The following CYSTM1 variants were observed in gnomAD, a reference collection of about 807,000 sequenced individuals.
CYSTM1 encodes cysteine-rich transmembrane module-containing protein 1.
Under a neutral mutation model 13.1 loss-of-function variants are expected in CYSTM1, and 4 were observed. The ratio of observed to expected loss-of-function variants is 0.31; its 90% CI spans 0.15 to 0.70. The LOEUF (loss-of-function observed/expected upper bound fraction) is 0.70. Ranked by LOEUF, CYSTM1 falls within the 30% of genes least tolerant of loss-of-function variation. The pLI is 0.72. For synonymous variants in CYSTM1, 36 were observed against 42.7 expected (o/e 0.84, Z 0.62); for missense variants, 96 against 121.6 (o/e 0.79, Z 0.99).
intron 1 of CYSTM1, among the ~76,000 whole-genome samples, chr5:140,177,173 CAACAGGAAA>C (rs1389071630): frequency 6.6e-6 from 1 of 151,850 alleles, no homozygotes; most frequent in Non-Finnish European, 1.5e-5. Context: ...ATTTCCTGAG[CAACAGGAAA>C]AATATATTTT....
At chr5:140,198,182 AC>A (rs1764178269) in intron 2 of CYSTM1, among the ~76,000 whole-genome samples, 1 of 152,116 alleles carries the variant, frequency 6.6e-6, no homozygotes, top group African/African-American at 2.4e-5. Context: ...CTTCACAACA[AC>A]CCCATAGTAT....
chr5:140,199,677 T>G (rs1391423775), intron 2 of CYSTM1, among the ~76,000 whole-genome samples: 2 of 152,170 alleles, frequency 1.3e-5, no homozygotes, highest in Non-Finnish European at 2.9e-5. Context: ...TTAGTAGAGA[T>G]GAGGTTTCAC....
At chr5:140,188,648 G>A (rs943379713) in intron 1 of CYSTM1, among the ~76,000 whole-genome samples, 1 of 151,906 alleles carries the variant, frequency 6.6e-6, no homozygotes, top group Non-Finnish European at 1.5e-5. Context: ...GCGCAGTGGC[G>A]GGCGCCTGTA....
chr5:140,179,888 C>A (rs1170433637), intron 1 of CYSTM1, among the ~76,000 whole-genome samples: 1 of 152,080 alleles, frequency 6.6e-6, no homozygotes, highest in Non-Finnish European at 1.5e-5. Flanking sequence ...GTCTCGAACT[C>A]CTGACCTCAG....
At chr5:140,220,692 A>G (rs1384622473) in intron 2 of CYSTM1, among the ~76,000 whole-genome samples, 1 of 152,116 alleles carries the variant, frequency 6.6e-6, no homozygotes, top group African/African-American at 2.4e-5. Flanking sequence ...GCTAAGTGTC[A>G]GCAACAGCAG....
chr5:140,192,414 C>T (rs1764104779), intron 1 of CYSTM1, among the ~76,000 whole-genome samples: 1 of 152,150 alleles, frequency 6.6e-6, no homozygotes, highest in Non-Finnish European at 1.5e-5. Context: ...CTTACCTTAC[C>T]ATTGGTTTCC....
intron 2 of CYSTM1, among the ~76,000 whole-genome samples, chr5:140,221,437 C>T (rs1170611158): frequency 6.6e-6 from 1 of 152,228 alleles, no homozygotes; most frequent in Admixed American, 6.5e-5. Context: ...AATTTGACTA[C>T]ACTGAGTACC....
At position 140,194,518 on chromosome 5, in the gene CYSTM1, A is replaced by G; in HGVS notation, c.53A>G (p.Tyr18Cys). The change falls in exon 2 of 3, where the codon TAC becomes TGC. Residue 18 changes from tyrosine (Y) to cysteine (C), a missense_variant. Tyr to Cys is a radical substitution (Grantham distance 194, BLOSUM62 -2). Transcript: ENST00000261811. The part of the protein sequence containing the change: ...PYPGPGPTAP[Y>C]PPYPPQPMGP... ...CCAGGCCCTGGTCCAACGGCCCCAT[A>G]CCCACCTTATCCACCACAACCAATG... is the stretch of plus-strand genomic sequence containing the variant. 1 of 1,613,024 alleles carries G rather than the reference A, an allele frequency of 6.2e-7. No homozygotes were observed. The highest frequency in any genetic ancestry group is 8.5e-7 in the Non-Finnish European group (1 of 1,179,664).
rs1030122962 is a variant in CYSTM1 at position 140,204,940 on chromosome 5, A to T, written c.187+10288A>T. Reference sequence around the variant, plus strand: ...GCTATTTTAACTCCCATAAGTCCAGATATTGGGGTTTTATTTATGTTCTTC... The same window carrying T: ...GCTATTTTAACTCCCATAAGTCCAGTTATTGGGGTTTTATTTATGTTCTTC... On this transcript the variant is annotated intron_variant, in intron 2 of 2. Transcript: ENST00000261811. Among the ~76,000 whole-genome samples the T allele has an allele frequency of 5.3e-5, 8 of 152,036 alleles. 1 individual carries two copies. Among genetic ancestry groups the T allele is most frequent in the Admixed American group, 5.2e-4 (8 of 15,278 alleles).
chr5:140,236,576 G>T (rs1420981833), intron 2 of CYSTM1, among the ~76,000 whole-genome samples: 1 of 152,158 alleles, frequency 6.6e-6, no homozygotes, highest in Non-Finnish European at 1.5e-5. Context: ...TTGTATTTTT[G>T]ACCTGTCTTA....
At chr5:140,191,143 C>T (rs748296327) in intron 1 of CYSTM1, among the ~76,000 whole-genome samples, 26 of 152,216 alleles carry the variant, frequency 1.7e-4, no homozygotes, top group Non-Finnish European at 3.4e-4. Flanking sequence ...TCATCCTGCA[C>T]ACGTGCTCTT....
intron 2 of CYSTM1, among the ~76,000 whole-genome samples, chr5:140,206,166 A>C (rs1490773618): frequency 2.0e-5 from 3 of 151,988 alleles, no homozygotes; most frequent in African/African-American, 7.3e-5. Flanking sequence ...CACAGCTTAC[A>C]GTCTCACTTT....
chr5:140,220,744 T>C (rs1418692019), intron 2 of CYSTM1, among the ~76,000 whole-genome samples: 4 of 151,936 alleles, frequency 2.6e-5, no homozygotes, highest in Non-Finnish European at 4.4e-5. Flanking sequence ...TGAGATATAG[T>C]TGGAGCAGTC....
chr5:140,182,553 T>C (rs1192783114), intron 1 of CYSTM1, among the ~76,000 whole-genome samples: 1 of 152,032 alleles, frequency 6.6e-6, no homozygotes, highest in Non-Finnish European at 1.5e-5. Context: ...ACATTGTTCT[T>C]TCTGTGCCAG....
intron 1 of CYSTM1, among the ~76,000 whole-genome samples, chr5:140,185,687 T>C (rs1764008237): frequency 6.6e-6 from 1 of 152,230 alleles, no homozygotes; most frequent in Non-Finnish European, 1.5e-5. Context: ...ACTGCTACCA[T>C]CTTTAAAAAT....
intron 2 of CYSTM1, 85 bp from the exon 3 acceptor site, chr5:140,243,220 C>G (rs781373906): frequency 3.7e-6 from 4 of 1,073,934 alleles, no homozygotes; most frequent in Non-Finnish European, 5.7e-6. Context: ...CTGGTGTAGC[C>G]TTCCTGTGGT....
At chr5:140,227,177 G>A (rs1309673090) in intron 2 of CYSTM1, among the ~76,000 whole-genome samples, 1 of 152,202 alleles carries the variant, frequency 6.6e-6, no homozygotes, top group Non-Finnish European at 1.5e-5. Flanking sequence ...CCTGGCTCAG[G>A]TGGGCTCCTG....
At chr5:140,208,872 T>C (rs1487172738) in intron 2 of CYSTM1, among the ~76,000 whole-genome samples, 2 of 152,030 alleles carry the variant, frequency 1.3e-5, no homozygotes, top group Non-Finnish European at 2.9e-5. Flanking sequence ...ACCCTGTCTC[T>C]ACTAAAAATA....
At chr5:140,193,997 G>T (rs1285192566) in intron 1 of CYSTM1, among the ~76,000 whole-genome samples, 1 of 152,192 alleles carries the variant, frequency 6.6e-6, no homozygotes, top group East Asian at 1.9e-4. Flanking sequence ...TTGATTGGAG[G>T]GTTTCTAGTA....
Sources: gnomAD v4.1 joint callset for allele counts (sites outside exome capture counted in the v4.1 genomes callset) on GRCh38, gnomAD v4.1.1 for gene constraint, MANE v1.5 for transcripts, NCBI Gene and HGNC (gene_info 2026-07-23, HGNC 2026-07-21) for gene names.